LUZP2: variants seen among roughly 807,000 people sequenced by gnomAD.
LUZP2 encodes leucine zipper protein 2.
LUZP2 carries 52 observed loss-of-function variants against 51.6 expected under a neutral mutation model. That is an observed-to-expected ratio of 1.01 (90% CI 0.81 to 1.27). LUZP2 has a LOEUF of 1.27. LUZP2 is among the 50% of genes most tolerant of loss of function. LUZP2 has a pLI of 0.00. For missense variants in LUZP2, 436 were observed against 395.4 expected (o/e 1.10, Z -0.87); for synonymous variants, 154 against 137.3 (o/e 1.12, Z -0.85).
intron 7 of LUZP2, among the ~76,000 whole-genome samples, chr11:24,933,082 G>C (rs937578609): frequency 6.6e-6 from 1 of 152,186 alleles, no homozygotes; most frequent in Non-Finnish European, 1.5e-5. Context: ...CCATGATCTG[G>C]ACGTTCAGCT....
At chr11:24,565,577 T>G (rs1852189574) in intron 1 of LUZP2, among the ~76,000 whole-genome samples, 1 of 152,196 alleles carries the variant, frequency 6.6e-6, no homozygotes, top group African/African-American at 2.4e-5. Context: ...TTATCACATA[T>G]GTAATAAAAT....
intron 5 of LUZP2, among the ~76,000 whole-genome samples, chr11:24,853,215 T>G (rs562620807): frequency 6.6e-6 from 1 of 152,266 alleles, no homozygotes; most frequent in Admixed American, 6.5e-5. Context: ...TGGTACCAGT[T>G]TTTCCTTTCC....
chr11:24,568,009 C>A (rs1326526140), intron 1 of LUZP2, among the ~76,000 whole-genome samples: 3 of 152,090 alleles, frequency 2.0e-5, no homozygotes, highest in Non-Finnish European at 4.4e-5. Flanking sequence ...ACAATCTAAT[C>A]AAAAGGCACA....
chr11:25,043,722 A>G (rs1044086556), intron 9 of LUZP2, among the ~76,000 whole-genome samples: 1 of 148,604 alleles, frequency 6.7e-6, no homozygotes, highest in African/African-American at 2.5e-5. Flanking sequence ...ATATACATAT[A>G]TAATATTTAT....
At chr11:24,544,685 G>A (rs1418940449) in intron 1 of LUZP2, among the ~76,000 whole-genome samples, 2 of 152,014 alleles carry the variant, frequency 1.3e-5, no homozygotes, top group Non-Finnish European at 2.9e-5. Flanking sequence ...GTCTACCTCT[G>A]ATAAGCATTA....
intron 1 of LUZP2, among the ~76,000 whole-genome samples, chr11:24,595,713 T>A (rs1853420378): frequency 6.6e-6 from 1 of 152,198 alleles, no homozygotes; most frequent in South Asian, 2.1e-4. Context: ...CAGAGACTTC[T>A]GCAGAGATGA....
intron 5 of LUZP2, among the ~76,000 whole-genome samples, chr11:24,840,517 C>T (rs1302418026): frequency 6.6e-6 from 1 of 151,790 alleles, no homozygotes; most frequent in Non-Finnish European, 1.5e-5. Context: ...CTGTGGTTTT[C>T]AGTCCTGTAT....
chr11:25,058,138 A>AT (rs1440636476), intron 10 of LUZP2, among the ~76,000 whole-genome samples: 3 of 151,918 alleles, frequency 2.0e-5, no homozygotes, highest in Non-Finnish European at 4.4e-5. Context: ...CATTAGAAGC[A>AT]TTTTTTATTG....
chr11:24,706,610 T>C (rs1857590882), intron 1 of LUZP2, among the ~76,000 whole-genome samples: 2 of 152,266 alleles, frequency 1.3e-5, no homozygotes, highest in South Asian at 4.1e-4. Flanking sequence ...ATAAAATGGC[T>C]GTCAGAATTG....
In LUZP2 at chr11:24,783,466, A is replaced by T. The variant is rs143629217; in HGVS notation, c.396+20158A>T. On this transcript the variant is annotated intron_variant, in intron 5 of 11. Coordinates refer to ENST00000336930, the MANE Select transcript of LUZP2 (RefSeq NM_001009909.4). ...AATTAACCCTATTTTGATTTTTAAGAGATAAAAGGTTTTTTTAAATCTCAG... is the reference window on the plus strand; with the variant it reads ...AATTAACCCTATTTTGATTTTTAAGTGATAAAAGGTTTTTTTAAATCTCAG... 1.5e-3 allele frequency among the ~76,000 whole-genome samples: 231 copies of T among 152,162 alleles called. 2 individuals carry two copies. The highest frequency in any genetic ancestry group is 2.3e-3 in the Non-Finnish European group (158 of 67,936).
chr11:24,694,382 T>C (rs542429196), intron 1 of LUZP2, among the ~76,000 whole-genome samples: 9 of 152,232 alleles, frequency 5.9e-5, no homozygotes, highest in African/African-American at 2.2e-4. Flanking sequence ...GAGACTCACC[T>C]TGACTACCTT....
At chr11:24,881,001 A>G (rs1410195827) in intron 5 of LUZP2, among the ~76,000 whole-genome samples, 1 of 152,198 alleles carries the variant, frequency 6.6e-6, no homozygotes, top group African/African-American at 2.4e-5. Context: ...GAAGACAAGA[A>G]TTCAATTTGT....
chr11:24,508,203 C>A (rs972726780), intron 1 of LUZP2, among the ~76,000 whole-genome samples: 3 of 152,022 alleles, frequency 2.0e-5, no homozygotes, highest in Admixed American at 1.3e-4. Flanking sequence ...AACATACATT[C>A]TTAATCACTG....
In LUZP2 at chr11:24,920,698, A is replaced by G. The variant is rs1431617515; in HGVS notation, c.522+6160A>G. On this transcript the variant is annotated intron_variant, in intron 7 of 11. Coordinates refer to ENST00000336930, the MANE Select transcript of LUZP2 (RefSeq NM_001009909.4). The stretch of plus-strand genomic sequence containing the variant: ...AAACAACCCAGACACAGAAATAAAA[A>G]AAAAAACCTGCATGTTCTCACTTAA... Among the ~76,000 whole-genome samples the G allele has an allele frequency of 2.0e-5, 3 of 152,004 alleles. No individual in the cohort carries two copies. The East Asian group carries it at 5.8e-4, about 29-fold the overall frequency.
At chr11:24,855,971 C>A (rs1385474141) in intron 5 of LUZP2, among the ~76,000 whole-genome samples, 1 of 152,038 alleles carries the variant, frequency 6.6e-6, no homozygotes, top group African/African-American at 2.4e-5. Context: ...AGATTAAAGA[C>A]TTAAATGTAA....
intron 1 of LUZP2, among the ~76,000 whole-genome samples, chr11:24,534,545 C>T (rs1851111566): frequency 6.6e-6 from 1 of 150,908 alleles, no homozygotes; most frequent in Non-Finnish European, 1.5e-5. Flanking sequence ...ATATAGAAAG[C>T]ATATTTATAT....
chr11:24,605,701 C>G (rs1333259843), intron 1 of LUZP2, among the ~76,000 whole-genome samples: 1 of 151,548 alleles, frequency 6.6e-6, no homozygotes, highest in African/African-American at 2.4e-5. Flanking sequence ...AAAATGATAT[C>G]CACAATCAAG....
intron 4 of LUZP2, among the ~76,000 whole-genome samples, chr11:24,754,432 AC>A (rs1859699989): frequency 1.3e-5 from 2 of 152,120 alleles, no homozygotes; most frequent in African/African-American, 4.8e-5. Context: ...ATCTGTAGTG[AC>A]CCATGAGGAG....
intron 5 of LUZP2, among the ~76,000 whole-genome samples, chr11:24,791,125 C>T (rs1419577564): frequency 1.3e-5 from 2 of 152,118 alleles, no homozygotes; most frequent in Non-Finnish European, 2.9e-5. Flanking sequence ...TGAGACAAAA[C>T]ACTTCGTAAT....
Sources: allele counts gnomAD v4.1 joint callset (sites outside exome capture counted in the v4.1 genomes callset), GRCh38; gene constraint gnomAD v4.1.1; transcripts MANE v1.5; gene names NCBI Gene and HGNC (gene_info 2026-07-23, HGNC 2026-07-21).